Variants in MYO16 observed in about 807,000 individuals in gnomAD.
MYO16 encodes myosin XVI.
Under a neutral mutation model 205.3 loss-of-function variants are expected in MYO16, and 94 were observed. That is an observed-to-expected ratio of 0.46 (90% confidence interval 0.39 to 0.54). MYO16 has a LOEUF of 0.54. Ranked by LOEUF, MYO16 falls within the 20% of genes least tolerant of loss-of-function variation. MYO16 has a pLI of 0.00. For missense variants in MYO16, 2,315 were observed against 2,387.5 expected (o/e 0.97, Z 0.63); for synonymous variants, 988 against 954.0 (o/e 1.04, Z -0.66).
the MYO16 span, among the ~76,000 whole-genome samples, chr13:108,516,503 G>A: frequency 2.0e-5 from 3 of 152,160 alleles, no homozygotes; most frequent in African/African-American, 4.8e-5. Flanking sequence ...CTCGGGAAGT[G>A]ATAGTTAATT....
the MYO16 span, among the ~76,000 whole-genome samples, chr13:108,566,654 G>GA: frequency 1.4e-5 from 2 of 137,944 alleles, no homozygotes; most frequent in African/African-American, 5.4e-5. Context: ...GAAAAGAAAA[G>GA]AAAGAAGGAA....
intron 4 of MYO16, among the ~76,000 whole-genome samples, chr13:108,744,959 AACAG>A (rs1409931623): frequency 6.6e-6 from 1 of 152,226 alleles, no homozygotes; most frequent in Non-Finnish European, 1.5e-5. Flanking sequence ...ACTTAATATT[AACAG>A]TGATTAGAAC....
At chr13:108,599,400 C>T (rs1401856173) in intron 1 of MYO16, among the ~76,000 whole-genome samples, 1 of 151,448 alleles carries the variant, frequency 6.6e-6, no homozygotes, top group Non-Finnish European at 1.5e-5. Flanking sequence ...AGTTCTAGAT[C>T]CCTGAGGAAT....
intron 22 of MYO16, 33 bp from the exon 23 acceptor site, chr13:109,019,678 C>A (rs1489869205): frequency 6.5e-7 from 1 of 1,548,706 alleles, no homozygotes; most frequent in Non-Finnish European, 8.9e-7. Context: ...AAGTAATAGA[C>A]AAAACAACTC....
At chr13:108,828,694 TCCAGGAG>T (rs1042895717) in intron 9 of MYO16, among the ~76,000 whole-genome samples, 77 of 152,160 alleles carry the variant, frequency 5.1e-4, no homozygotes, top group African/African-American at 1.8e-3. Context: ...CAGCCCAACC[TCCAGGAG>T]GAGCAGGACA....
intron 1 of MYO16, among the ~76,000 whole-genome samples, chr13:108,619,828 G>C (rs1879476969): frequency 6.6e-6 from 1 of 152,088 alleles, no homozygotes; most frequent in African/African-American, 2.4e-5. Flanking sequence ...CCAACATGTA[G>C]GGTTGAAGTT....
intron 4 of MYO16, among the ~76,000 whole-genome samples, chr13:108,765,144 T>C (rs1345313450): frequency 6.6e-6 from 1 of 151,596 alleles, no homozygotes; most frequent in Non-Finnish European, 1.5e-5. Flanking sequence ...GTAGGTGTCA[T>C]GCATATCTGT....
chr13:109,087,214 T>C (rs373931612), intron 27 of MYO16, among the ~76,000 whole-genome samples: 2 of 152,364 alleles, frequency 1.3e-5, no homozygotes, highest in South Asian at 4.1e-4. Flanking sequence ...ATTTCATTCT[T>C]AACTTCTCAG....
chr13:108,804,125 C>T (rs1450750198), intron 6 of MYO16, among the ~76,000 whole-genome samples: 1 of 152,120 alleles, frequency 6.6e-6, no homozygotes, highest in Middle Eastern at 3.2e-3. Flanking sequence ...GTTACCTAAA[C>T]TCTAAACCAC....
upstream of MYO16, chr13:108,629,473 C>T: frequency 5.2e-6 from 1 of 191,996 alleles, no homozygotes. Context: ...CATTAACAGG[C>T]AGGACCGGGA....
intron 27 of MYO16, among the ~76,000 whole-genome samples, chr13:109,067,144 G>T (rs770633747): frequency 6.6e-6 from 1 of 152,074 alleles, no homozygotes; most frequent in Non-Finnish European, 1.5e-5. Flanking sequence ...CTGGGAGTCG[G>T]ACTCCACACT....
chr13:108,888,426 C>A lies in MYO16; in HGVS notation c.1608C>A (p.Leu536=), dbSNP rs776772475. Residue 536 remains leucine, a synonymous_variant, in exon 14 of 35, where the codon CTC becomes CTA. Transcript: ENST00000457511. ...CCAGCAAACAAATCATAAGACACCT[C>A]ACCTGCAGGGCTGGCGCCAGCAGGG... ...SEASKQIIRH[L]TCRAGASRAT... The A allele has an allele frequency of 4.3e-6, 7 of 1,612,554 alleles. No homozygotes were observed. In the East Asian group the frequency reaches 1.6e-4, roughly 36 times the overall value.
At chr13:108,969,692 G>C (rs1016425242) in intron 20 of MYO16, among the ~76,000 whole-genome samples, 27 of 152,214 alleles carry the variant, frequency 1.8e-4, no homozygotes, top group African/African-American at 6.5e-4. Flanking sequence ...TAGCACGTTT[G>C]AGAGGCAAAC....
At chr13:109,173,015 G>T (rs1566547799) in intron 33 of MYO16, among the ~76,000 whole-genome samples, 1 of 152,220 alleles carries the variant, frequency 6.6e-6, no homozygotes, top group Non-Finnish European at 1.5e-5. Context: ...TGGAATCTCT[G>T]GGATGAATAG....
chr13:109,197,096 G>A (rs1214891085), intron 34 of MYO16, among the ~76,000 whole-genome samples: 1 of 152,120 alleles, frequency 6.6e-6, no homozygotes, highest in African/African-American at 2.4e-5. Context: ...GGAGTCTGTG[G>A]TGACTGTCCC....
chr13:108,771,730 T>C (rs998047579), intron 4 of MYO16, among the ~76,000 whole-genome samples: 7 of 152,358 alleles, frequency 4.6e-5, no homozygotes, highest in South Asian at 2.1e-4. Context: ...GAATGCTGTA[T>C]ACTTGAAATC....
intron 1 of MYO16, among the ~76,000 whole-genome samples, chr13:108,615,678 A>C (rs1037921120): frequency 6.6e-6 from 1 of 152,156 alleles, no homozygotes; most frequent in Non-Finnish European, 1.5e-5. Flanking sequence ...AAATATGCTA[A>C]GTGAAAAAAG....
At chr13:109,071,197 T>G (rs1887914270) in intron 27 of MYO16, among the ~76,000 whole-genome samples, 1 of 152,196 alleles carries the variant, frequency 6.6e-6, no homozygotes, top group African/African-American at 2.4e-5. Context: ...TGACAATATT[T>G]TTTCAACTTT....
rs192243943 is a variant in MYO16, at chr13:108,812,001, G to A, written c.867+5197G>A. On this transcript the variant is annotated intron_variant, in intron 7 of 34. Coordinates refer to ENST00000457511, the MANE Select transcript of MYO16 (RefSeq NM_001198950.3). ...GTGTCAGAGGCCCTGCTTAGGTCTC[G>A]TGTTTTATTTCTCCAGCCTCACCCC... Among the ~76,000 whole-genome samples, 514 of 152,232 alleles carry A rather than the reference G, an allele frequency of 3.4e-3. 4 individuals are homozygous for A. Among genetic ancestry groups the A allele is most frequent in the Non-Finnish European group, 3.7e-3 (251 of 68,010 alleles).
Sources: allele counts gnomAD v4.1 joint callset (sites outside exome capture counted in the v4.1 genomes callset), GRCh38; gene constraint gnomAD v4.1.1; transcripts MANE v1.5; gene names NCBI Gene and HGNC (gene_info 2026-07-23, HGNC 2026-07-21).